The following YJU2B variants were observed in gnomAD, a reference collection of about 807,000 sequenced individuals.
The protein encoded by YJU2B is probable splicing factor YJU2B.
Under a neutral mutation model 38.0 loss-of-function variants are expected in YJU2B, and 18 were observed. The ratio of observed to expected loss-of-function variants is 0.47; its 90% CI spans 0.33 to 0.70. The LOEUF is 0.70. Among genes scored for constraint, YJU2B ranks in the 30% least tolerant of loss-of-function variants. The pLI is 0.02. For missense variants in YJU2B, 538 were observed against 556.3 expected, an observed-to-expected ratio of 0.97 and a Z score of 0.33; for synonymous variants, 246 against 225.4, an observed-to-expected ratio of 1.09 and a Z score of -0.82.
At chr19:13,739,742 AT>A (rs567805074) in intron 2 of YJU2B, among the ~76,000 whole-genome samples, 12 of 150,816 alleles carry the variant, frequency 8.0e-5, no homozygotes, top group East Asian at 5.8e-4. Context: ...ATAAGTTAGA[AT>A]TTTTTTTTTA....
At chr19:13,751,401 G>A (rs1973457693) in intron 1 of YJU2B, among the ~76,000 whole-genome samples, 1 of 152,206 alleles carries the variant, frequency 6.6e-6, no homozygotes, top group South Asian at 2.1e-4. Flanking sequence ...GTGACAGAGC[G>A]AGACTCCATC....
chr19:13,756,928 G>A (rs1973687198), intron 4 of YJU2B, among the ~76,000 whole-genome samples: 1 of 148,038 alleles, frequency 6.8e-6, no homozygotes, highest in Non-Finnish European at 1.5e-5. Flanking sequence ...AGTGAGCCAA[G>A]ACCATGCCAC....
In YJU2B at chr19:13,762,456, G is replaced by A. The variant is rs753660420; in HGVS notation, c.712+19G>A. 1.9e-6 allele frequency: 3 copies of A among 1,609,418 alleles called. No homozygotes were observed. The highest frequency in any genetic ancestry group is 2.2e-5 in the South Asian group (2 of 90,856). ...CTGGACTGTGCGTAGGAGGCCAGGG[G>A]GAAAAGGGGACAGGGAGGCTCAGAG... On this transcript the variant is annotated intron_variant, in intron 9 of 9. Transcript: ENST00000221554.
intron 8 of YJU2B, 45 bp downstream of exon 8, chr19:13,759,317 C>T (rs1599534219): frequency 6.6e-7 from 1 of 1,508,624 alleles, no homozygotes; most frequent in Non-Finnish European, 9.0e-7. Context: ...GCATGGTGGA[C>T]CAAGGCCCGG....
upstream of YJU2B, among the ~76,000 whole-genome samples, chr19:13,743,274 G>A (rs1431305765): frequency 6.6e-6 from 1 of 152,206 alleles, no homozygotes; most frequent in Non-Finnish European, 1.5e-5. Context: ...GGGCTTACAG[G>A]TCGTAGATAG....
intron 2 of YJU2B, among the ~76,000 whole-genome samples, chr19:13,735,533 T>G (rs1972920988): frequency 6.6e-6 from 1 of 151,292 alleles, no homozygotes; most frequent in African/African-American, 2.4e-5. Context: ...GTCTGTGTTT[T>G]TTTTTTTTTT....
At chr19:13,739,783 G>T (rs1219123395) in intron 2 of YJU2B, among the ~76,000 whole-genome samples, 1 of 152,110 alleles carries the variant, frequency 6.6e-6, no homozygotes, top group Admixed American at 6.6e-5. Context: ...AGAACGTGCA[G>T]GTTTGTTACA....
chr19:13,751,825 C>T lies in YJU2B; in HGVS notation c.3+14C>T, dbSNP rs199615594. The stretch of plus-strand genomic sequence containing the variant: ...GCTCCCAAGATGGTGAGTAGACAGC[C>T]TCGTGTGCCCTGGGTTTCTCTCCCA... On this transcript the variant is annotated intron_variant, in intron 2 of 9. Coordinates refer to ENST00000221554, the MANE Select transcript of YJU2B (RefSeq NM_030818.4). 86 of 1,613,896 alleles carry T rather than the reference C, an allele frequency of 5.3e-5. No individual in the cohort carries two copies. The East Asian group carries it at 1.7e-3, about 33-fold the overall frequency.
chr19:13,753,882 G>A (rs987706018), intron 2 of YJU2B, among the ~76,000 whole-genome samples: 3 of 151,946 alleles, frequency 2.0e-5, no homozygotes, highest in Non-Finnish European at 4.4e-5. Flanking sequence ...TGGGGATTAT[G>A]GGAACTACAA....
At chr19:13,738,815 G>A (rs111260277) in intron 2 of YJU2B, among the ~76,000 whole-genome samples, 25,504 of 151,208 alleles carry the variant, frequency 0.17, 2,686 homozygotes, top group Admixed American at 0.22. Context: ...GTGTGAACCC[G>A]GGAGGCGGAG....
upstream of YJU2B, among the ~76,000 whole-genome samples, chr19:13,743,644 A>G (rs578069736): frequency 1.4e-3 from 197 of 145,660 alleles, no homozygotes; most frequent in Non-Finnish European, 2.0e-3. Context: ...TGTAATCCCA[A>G]CACTTTGGGA....
At position 13,763,193 on chromosome 19, in the gene YJU2B, C is replaced by G; in HGVS notation, c.*125C>G. The G allele has an allele frequency of 1.4e-6, 1 of 712,932 alleles. No homozygotes were observed. Among genetic ancestry groups the G allele is most frequent in the Non-Finnish European group, 2.3e-6 (1 of 443,546 alleles). The allele number at this position is 712,932 out of a possible 1,614,324, so 44.2% of individuals were successfully genotyped here. On this transcript the variant is annotated 3_prime_UTR_variant, in exon 10 of 10. Coordinates refer to ENST00000221554, the MANE Select transcript of YJU2B (RefSeq NM_030818.4). ...GAGAGCTCAGATGCCGCATCCTCCC[C>G]AGACCGCGCCTTCCTGCAACCGTGG...
intron 2 of YJU2B, among the ~76,000 whole-genome samples, chr19:13,736,396 T>C (rs1055978673): frequency 1.3e-5 from 2 of 151,250 alleles, no homozygotes; most frequent in African/African-American, 4.9e-5. Context: ...GTAGCTGGGA[T>C]TACAGGCACC....
intron 1 of YJU2B, among the ~76,000 whole-genome samples, chr19:13,748,931 C>T (rs1046462845): frequency 6.6e-6 from 1 of 152,150 alleles, no homozygotes; most frequent in African/African-American, 2.4e-5. Flanking sequence ...AGTTTATATC[C>T]GGGACTTTGC....
chr19:13,761,868 C>T lies in YJU2B; in HGVS notation c.574-431C>T, dbSNP rs144323538. 9.2e-3 allele frequency among the ~76,000 whole-genome samples: 1,405 copies of T among 151,960 alleles called. 17 individuals are homozygous for T. The highest frequency in any genetic ancestry group is 0.033 in the African/African-American group (1,348 of 41,430). The stretch of plus-strand genomic sequence containing the variant: ...CCTCCCAAGTAGCTAGGACCATAGG[C>T]GCATGCCACCATGCCTGGCTAATTT... On this transcript the variant is annotated intron_variant, in intron 8 of 9. Transcript: ENST00000221554.
At chr19:13,757,365 C>G in intron 4 of YJU2B, 53 bp from the exon 5 acceptor site, 2 of 1,524,702 alleles carry the variant, frequency 1.3e-6, no homozygotes, top group Admixed American at 1.7e-5. Context: ...GTGTGGAGAC[C>G]CAGGGAGTGT....
intron 6 of YJU2B, among the ~76,000 whole-genome samples, chr19:13,758,371 A>C (rs1973749015): frequency 6.6e-6 from 1 of 152,202 alleles, no homozygotes; most frequent in Non-Finnish European, 1.5e-5. Flanking sequence ...CAATTTCCCC[A>C]GCAGCTGGCA....
At chr19:13,747,481 T>C (rs992616934), upstream of YJU2B, among the ~76,000 whole-genome samples, 14 of 152,172 alleles carry the variant, frequency 9.2e-5, no homozygotes, top group Non-Finnish European at 2.9e-5. Flanking sequence ...TGCAAATAAT[T>C]TTTCTTGAGA....
At chr19:13,759,562 C>A (rs2145163672) in intron 8 of YJU2B, 1 of 268,008 alleles carries the variant, frequency 3.7e-6, no homozygotes, top group Non-Finnish European at 6.7e-6. Flanking sequence ...TCAGCCTGGG[C>A]AACATAGTGA....
Sources: gnomAD v4.1 joint callset for allele counts (sites outside exome capture counted in the v4.1 genomes callset) on GRCh38, gnomAD v4.1.1 for gene constraint, MANE v1.5 for transcripts, NCBI Gene and HGNC (gene_info 2026-07-23, HGNC 2026-07-21) for gene names.